The following PRICKLE2 variants were observed in gnomAD, a reference collection of about 807,000 sequenced individuals.
PRICKLE2 encodes prickle planar cell polarity protein 2.
A neutral mutation model predicts 81.4 loss-of-function variants in PRICKLE2; 21 were observed. The ratio of observed to expected loss-of-function variants is 0.26; its 90% CI spans 0.18 to 0.37. The LOEUF is 0.37. Ranked by LOEUF, PRICKLE2 falls within the 10% of genes least tolerant of loss-of-function variation. The pLI, the probability that PRICKLE2 is intolerant of heterozygous loss-of-function variation, is 1.00. For missense variants in PRICKLE2, 940 were observed against 1,109.0 expected, an observed-to-expected ratio of 0.85 and a Z score of 2.16; for synonymous variants, 456 against 421.5, an observed-to-expected ratio of 1.08 and a Z score of -1.00.
At chr3:64,166,014 G>T (rs954005313) in intron 2 of PRICKLE2, among the ~76,000 whole-genome samples, 3 of 118,410 alleles carry the variant, frequency 2.5e-5, no homozygotes, top group African/African-American at 9.5e-5. Context: ...GTGTGTGTGT[G>T]TTTTGTTTTG....
At chr3:64,249,092 G>A in intron 2 of PRICKLE2, among the ~76,000 whole-genome samples, 1 of 152,134 alleles carries the variant, frequency 6.6e-6, no homozygotes, top group East Asian at 1.9e-4. Flanking sequence ...AACTACCTGA[G>A]ACTGGGCAAT....
At chr3:64,200,183 T>G (rs1294192446) in intron 1 of PRICKLE2, 2 of 152,240 alleles carry the variant, frequency 1.3e-5, no homozygotes, top group Non-Finnish European at 2.9e-5. Flanking sequence ...TCTATGGTTT[T>G]GCCTATTTTG....
chr3:64,196,469 T>A (rs1165046582), intron 2 of PRICKLE2, among the ~76,000 whole-genome samples: 1 of 152,206 alleles, frequency 6.6e-6, no homozygotes, highest in Non-Finnish European at 1.5e-5. Flanking sequence ...AACAAAGTTA[T>A]GCGGTCAGCC....
intron 7 of PRICKLE2, among the ~76,000 whole-genome samples, chr3:64,127,161 A>G (rs1306802053): frequency 6.6e-6 from 1 of 152,234 alleles, no homozygotes; most frequent in African/African-American, 2.4e-5. Context: ...TTATAGAGAA[A>G]ATAAGGCAGG....
intron 2 of PRICKLE2, among the ~76,000 whole-genome samples, chr3:64,197,578 T>C (rs2078480547): frequency 1.3e-5 from 2 of 152,156 alleles, no homozygotes; most frequent in African/African-American, 4.8e-5. Context: ...TTGGAGGCCA[T>C]TACCCTTAGC....
chr3:64,197,905 C>G (rs2078487483), intron 2 of PRICKLE2, among the ~76,000 whole-genome samples: 1 of 151,974 alleles, frequency 6.6e-6, no homozygotes, highest in Non-Finnish European at 1.5e-5. Context: ...CCTAAAGTTT[C>G]CAAGTTAAAA....
chr3:64,121,152 G>T (rs934693315), intron 7 of PRICKLE2, among the ~76,000 whole-genome samples: 1 of 152,098 alleles, frequency 6.6e-6, no homozygotes, highest in African/African-American at 2.4e-5. Flanking sequence ...AGTCCTCCAG[G>T]GCCCTCAAAT....
intron 2 of PRICKLE2, among the ~76,000 whole-genome samples, chr3:64,235,532 C>A (rs1256212031): frequency 1.3e-5 from 2 of 152,134 alleles, no homozygotes; most frequent in Admixed American, 6.5e-5. Flanking sequence ...CCACCCTGCC[C>A]CCCTTCTGGA....
At chr3:64,111,346 T>C (rs2076843821) in intron 7 of PRICKLE2, among the ~76,000 whole-genome samples, 1 of 152,262 alleles carries the variant, frequency 6.6e-6, no homozygotes, top group African/African-American at 2.4e-5. Flanking sequence ...TGTTATACAA[T>C]CTTTCTAAGT....
At position 64,214,647 on chromosome 3, in the gene PRICKLE2, T is replaced by C. The variant is rs115077231; in HGVS notation, c.-41+10263A>G. Reference sequence around the variant, plus strand: ...ACAGAAAGAAAATATCATTTCCTGGTTTCATGATTTTTTGGAAAGAAGCCC... The same window carrying C: ...ACAGAAAGAAAATATCATTTCCTGGCTTCATGATTTTTTGGAAAGAAGCCC... On this transcript the variant is annotated intron_variant, in intron 1 of 7. Coordinates refer to ENST00000638394, the MANE Select transcript of PRICKLE2 (RefSeq NM_198859.4). 5.1e-3 allele frequency among the ~76,000 whole-genome samples: 774 copies of C among 152,244 alleles called. 12 individuals are homozygous for C. The highest frequency in any genetic ancestry group is 0.018 in the African/African-American group (729 of 41,540).
intron 1 of PRICKLE2, among the ~76,000 whole-genome samples, chr3:64,212,764 G>A (rs1208904874): frequency 6.6e-6 from 1 of 152,180 alleles, no homozygotes; most frequent in Admixed American, 6.5e-5. Flanking sequence ...CTATGTGCCA[G>A]TGTGCTAGGT....
At chr3:64,130,137 T>C (rs1044724063) in intron 7 of PRICKLE2, among the ~76,000 whole-genome samples, 1 of 152,236 alleles carries the variant, frequency 6.6e-6, no homozygotes, top group African/African-American at 2.4e-5. Context: ...ATGGGGATAA[T>C]CACTATCAAT....
At chr3:64,106,097 G>T (rs1347770658) in intron 7 of PRICKLE2, 1 of 152,174 alleles carries the variant, frequency 6.6e-6, no homozygotes, top group East Asian at 1.9e-4. Context: ...CAGGAAGAAG[G>T]TTTAGTAAGG....
chr3:64,133,835 A>C lies in PRICKLE2; in HGVS notation c.1660+12995T>G, dbSNP rs192984253. On this transcript the variant is annotated intron_variant, in intron 7 of 7. Coordinates refer to ENST00000638394, the MANE Select transcript of PRICKLE2 (RefSeq NM_198859.4). ...AAAGTGCTCCCCAGTTACGGGGGTCAACATGGGTCTGGATCATTGACATGT... is the reference window on the plus strand; with the variant it reads ...AAAGTGCTCCCCAGTTACGGGGGTCCACATGGGTCTGGATCATTGACATGT... Among the ~76,000 whole-genome samples the C allele has an allele frequency of 1.5e-4, 23 of 152,342 alleles. 1 individual carries two copies. The highest frequency in any genetic ancestry group is 5.5e-4 in the African/African-American group (23 of 41,580).
At chr3:64,264,413 C>A (rs2079666370) in intron 2 of PRICKLE2, among the ~76,000 whole-genome samples, 1 of 152,170 alleles carries the variant, frequency 6.6e-6, no homozygotes, top group Non-Finnish European at 1.5e-5. Flanking sequence ...GAAATAGACT[C>A]CCTGAAGGAT....
chr3:64,234,045 C>T (rs1004434041), intron 2 of PRICKLE2, among the ~76,000 whole-genome samples: 5 of 152,132 alleles, frequency 3.3e-5, no homozygotes, highest in African/African-American at 1.2e-4. Context: ...TACTAATATA[C>T]ATCATATTCA....
Position 64,122,690 on chromosome 3 carries a change from G to A in PRICKLE2, c.1661-22765C>T, listed in dbSNP as rs536688477. 1.3e-3 allele frequency among the ~76,000 whole-genome samples: 205 copies of A among 152,234 alleles called. 1 individual carries two copies. Among genetic ancestry groups the A allele is most frequent in the African/African-American group, 4.8e-3 (198 of 41,536 alleles). On this transcript the variant is annotated intron_variant, in intron 7 of 7. Transcript: ENST00000638394. ...GGATTCTGTGACCTGCCAAAGCCCCGGGCCACTGTCAGACGCAGGCTTTCC... is the reference window on the plus strand; with the variant it reads ...GGATTCTGTGACCTGCCAAAGCCCCAGGCCACTGTCAGACGCAGGCTTTCC...
At chr3:64,131,883 G>T (rs926584448) in intron 7 of PRICKLE2, among the ~76,000 whole-genome samples, 1 of 152,204 alleles carries the variant, frequency 6.6e-6, no homozygotes, top group South Asian at 2.1e-4. Context: ...AAAAAAAGGG[G>T]ACCAGGGCAG....
intron 2 of PRICKLE2, among the ~76,000 whole-genome samples, chr3:64,188,712 G>A (rs907373440): frequency 6.6e-6 from 1 of 152,102 alleles, no homozygotes; most frequent in Non-Finnish European, 1.5e-5. Flanking sequence ...TTCAAATCAG[G>A]CCCCCTTCCT....
Sources: gnomAD v4.1 joint callset for allele counts (sites outside exome capture counted in the v4.1 genomes callset) on GRCh38, gnomAD v4.1.1 for gene constraint, MANE v1.5 for transcripts, NCBI Gene and HGNC (gene_info 2026-07-23, HGNC 2026-07-21) for gene names.